Variants in BTBD1 observed in about 807,000 individuals in gnomAD.
The protein encoded by BTBD1 is BTB domain containing 1.
BTBD1 carries 34 observed loss-of-function variants against 48.0 expected under a neutral mutation model. The ratio of observed to expected loss-of-function variants is 0.71; its 90% CI spans 0.54 to 0.94. BTBD1 has a LOEUF of 0.94. Ranked by LOEUF, BTBD1 falls within the 40% of genes least tolerant of loss-of-function variation. The pLI is 0.00. For synonymous variants in BTBD1, 261 were observed against 242.1 expected, an observed-to-expected ratio of 1.08 and a Z score of -0.72; for missense variants, 543 against 625.6, an observed-to-expected ratio of 0.87 and a Z score of 1.41.
chr15:83,066,716 C>A, intron 1 of BTBD1, 35 bp downstream of exon 1: 4 of 1,258,404 alleles, frequency 3.2e-6, no homozygotes, highest in Non-Finnish European at 4.0e-6. Context: ...CGGCCCGGCC[C>A]GGCCCGGCCC....
At chr15:83,059,192 T>A (rs2033138851) in intron 1 of BTBD1, among the ~76,000 whole-genome samples, 1 of 152,218 alleles carries the variant, frequency 6.6e-6, no homozygotes, top group Admixed American at 6.5e-5. Flanking sequence ...GCCTTGTTTT[T>A]AATCTATAAA....
At chr15:83,052,797 ATTT>A (rs398028150) in intron 2 of BTBD1, among the ~76,000 whole-genome samples, 1 of 94,536 alleles carries the variant, frequency 1.1e-5, no homozygotes. Context: ...CGCCCGGCTA[ATTT>A]TTTTTTTTTT....
rs770907546 is a variant in BTBD1 at position 83,066,903 on chromosome 15, G to A, written c.249C>T (p.Ala83=). 65 of 1,515,924 alleles carry A rather than the reference G, an allele frequency of 4.3e-5. No individual in the cohort carries two copies. In the Middle Eastern group the frequency reaches 5.2e-4, roughly 12 times the overall value. 93.9% of individuals were successfully genotyped at this position (1,515,924 alleles called of 1,614,324 possible). A position where few individuals can be genotyped will look rare whatever the true frequency, so the allele number is the denominator to read the frequency against. ...CGGGGATGCGCTGCGGGCCCCCAGC[G>A]GCGGCGGCGCCGCGACCCTTGCCCA... The part of the protein sequence containing the change: ...FVLGKGRGAA[A]AGGPQRIPAH... Residue 83 remains alanine (A), a synonymous_variant, in exon 1 of 8, where the codon GCC becomes GCT. Transcript: ENST00000261721.
At position 83,066,926 on chromosome 15, in the gene BTBD1, C is replaced by A; in HGVS notation, c.226G>T (p.Gly76Cys). 6.4e-7 allele frequency: 1 copy of A among 1,565,848 alleles called. No individual in the cohort carries two copies. Among genetic ancestry groups the A allele is most frequent in the Non-Finnish European group, 8.6e-7 (1 of 1,159,926 alleles). The change falls in exon 1 of 8, where the codon GGC becomes TGC. Residue 76 changes from glycine to cysteine, a missense_variant. Around this residue, in one of 3 missense-constraint regions of BTBD1, gnomAD observed 173 missense variants for 163.9 expected, o/e 1.06. Coordinates refer to ENST00000261721, the MANE Select transcript of BTBD1 (RefSeq NM_025238.4). Reference protein sequence around the residue: ...ELLSDVRFVLGKGRGAAAAGG... With the variant: ...ELLSDVRFVLCKGRGAAAAGG... ...GCGGCGGCGGCGCCGCGACCCTTGC[C>A]CAGTACGAAGCGCACATCGCTCAGC...
intron 3 of BTBD1, among the ~76,000 whole-genome samples, chr15:83,042,348 T>TTTTATA (rs773923340): frequency 0.025 from 2,770 of 109,884 alleles, 75 homozygotes; most frequent in Non-Finnish European, 0.037. Context: ...TTAGGCAATT[T>TTTTATA]TATATATATA....
chr15:83,048,456 G>T (rs1278533946), intron 3 of BTBD1, among the ~76,000 whole-genome samples: 2 of 152,162 alleles, frequency 1.3e-5, no homozygotes, highest in Non-Finnish European at 2.9e-5. Flanking sequence ...AAAGCCACGG[G>T]CCTGGATTAG....
At chr15:83,060,168 G>A (rs1281766942) in intron 1 of BTBD1, among the ~76,000 whole-genome samples, 1 of 151,838 alleles carries the variant, frequency 6.6e-6, no homozygotes, top group Non-Finnish European at 1.5e-5. Context: ...CGTCAAAAGG[G>A]AAAATATTTT....
rs575427210 is a variant in BTBD1, at chr15:83,053,079, A to G, written c.559-2901T>C. Among the ~76,000 whole-genome samples, 138 of 152,270 alleles carry G rather than the reference A, an allele frequency of 9.1e-4. 3 individuals are homozygous for G. Among genetic ancestry groups the G allele is most frequent in the Middle Eastern group, 3.4e-3 (1 of 294 alleles). ...ATGTCTGTCACTCCTTACACAGGCA[A>G]TATCAAATTTCCTATGGAATCTACT... On this transcript the variant is annotated intron_variant, in intron 2 of 7. Transcript: ENST00000261721.
intron 5 of BTBD1, among the ~76,000 whole-genome samples, chr15:83,023,608 A>T (rs2032344159): frequency 8.2e-6 from 1 of 121,742 alleles, no homozygotes; most frequent in Non-Finnish European, 1.7e-5. Context: ...CTGATCTTGA[A>T]CTCCTGGGCT....
At chr15:83,035,850 C>T (rs1403403) in intron 4 of BTBD1, among the ~76,000 whole-genome samples, 1 of 151,500 alleles carries the variant, frequency 6.6e-6, no homozygotes. Flanking sequence ...GGAAATATTT[C>T]TAACTTTTGT....
chr15:83,057,750 GTC>G (rs1294995362), intron 1 of BTBD1, among the ~76,000 whole-genome samples: 1 of 152,186 alleles, frequency 6.6e-6, no homozygotes, highest in African/African-American at 2.4e-5. Context: ...GTTTCTCTTG[GTC>G]TCTGTCATTC....
intron 3 of BTBD1, among the ~76,000 whole-genome samples, chr15:83,045,033 T>C (rs980574548): frequency 3.3e-5 from 5 of 152,204 alleles, no homozygotes; most frequent in African/African-American, 1.2e-4. Context: ...GGAAAATCTC[T>C]AAAGAACCTA....
chr15:83,031,366 T>C (rs778157982), intron 4 of BTBD1, among the ~76,000 whole-genome samples: 3 of 152,214 alleles, frequency 2.0e-5, no homozygotes, highest in African/African-American at 4.8e-5. Context: ...CCCAGCAGAC[T>C]TGGAACCAAC....
At chr15:83,052,857 G>A (rs1359400431) in intron 2 of BTBD1, among the ~76,000 whole-genome samples, 1 of 140,202 alleles carries the variant, frequency 7.1e-6, no homozygotes, top group Non-Finnish European at 1.5e-5. Context: ...AGCCAGGATG[G>A]TCTCGATCTC....
intron 7 of BTBD1, 69 bp downstream of exon 7, chr15:83,018,638 C>T (rs1232280561): frequency 6.4e-7 from 1 of 1,555,124 alleles, no homozygotes; most frequent in Non-Finnish European, 8.7e-7. Flanking sequence ...CAGTGACTCT[C>T]AGCTTCTAAA....
intron 1 of BTBD1, among the ~76,000 whole-genome samples, chr15:83,065,086 A>G (rs1427614608): frequency 2.0e-5 from 3 of 152,272 alleles, no homozygotes; most frequent in East Asian, 1.9e-4. Context: ...TGACTGCATT[A>G]TATCTCATCA....
At chr15:83,044,342 T>C (rs528185706) in intron 3 of BTBD1, 3 of 1,371,102 alleles carry the variant, frequency 2.2e-6, no homozygotes, top group Admixed American at 3.9e-5. Context: ...AACCCTGCTC[T>C]GCATGCCCGC....
At position 83,018,234 on chromosome 15, in the gene BTBD1, G is replaced by C; in HGVS notation, c.1291-9C>G. The C allele has an allele frequency of 1.3e-6, 2 of 1,546,408 alleles. No individual in the cohort carries two copies. The highest frequency in any genetic ancestry group is 1.3e-5 in the South Asian group (1 of 76,864). On this transcript the variant is annotated splice_polypyrimidine_tract_variant and intron_variant, in intron 7 of 7. Transcript: ENST00000261721. ...TAGTGGGAATCTGGACCCTAAATGAGAACAAAAGGTTCCTTAGTAATTTTC... is the reference window on the plus strand; with the variant it reads ...TAGTGGGAATCTGGACCCTAAATGACAACAAAAGGTTCCTTAGTAATTTTC...
chr15:83,018,240 A>C lies in BTBD1; in HGVS notation c.1291-15T>G. The C allele has an allele frequency of 6.5e-7, 1 of 1,537,812 alleles. No homozygotes were observed. Among genetic ancestry groups the C allele is most frequent in the Non-Finnish European group, 8.7e-7 (1 of 1,143,280 alleles). ...GAATCTGGACCCTAAATGAGAACAA[A>C]AGGTTCCTTAGTAATTTTCATTTAA... On this transcript the variant is annotated splice_polypyrimidine_tract_variant and intron_variant, in intron 7 of 7. Transcript: ENST00000261721.
Sources: gnomAD v4.1 joint callset for allele counts (sites outside exome capture counted in the v4.1 genomes callset) on GRCh38, gnomAD v4.1.1 for gene constraint, gnomAD v4.1.1 regional missense constraint, MANE v1.5 for transcripts, NCBI Gene and HGNC (gene_info 2026-07-23, HGNC 2026-07-21) for gene names.